Variants in ARHGEF10L observed in about 807,000 individuals in gnomAD.
The protein encoded by ARHGEF10L is rho guanine nucleotide exchange factor 10-like protein.
ARHGEF10L carries 69 observed loss-of-function variants against 141.2 expected under a neutral mutation model. That is an observed-to-expected ratio of 0.49 (90% CI 0.40 to 0.60). The LOEUF (loss-of-function observed/expected upper bound fraction) is 0.60. Ranked by LOEUF, ARHGEF10L falls within the 20% of genes least tolerant of loss-of-function variation. The probability of loss-of-function intolerance (pLI) is 0.00; values close to 1 mark genes in which losing one functional copy is unlikely to be tolerated. For synonymous variants in ARHGEF10L, 711 were observed against 718.5 expected (o/e 0.99, Z 0.17); for missense variants, 1,482 against 1,734.3 (o/e 0.85, Z 2.58).
chr1:17,565,173 C>CG (rs1482829275), intron 1 of ARHGEF10L, among the ~76,000 whole-genome samples: 2 of 152,172 alleles, frequency 1.3e-5, no homozygotes, highest in Non-Finnish European at 2.9e-5. Flanking sequence ...AGGGCCTAGC[C>CG]GGGGCCTTGT....
At position 17,618,367 on chromosome 1, in the gene ARHGEF10L, G is replaced by A. The variant is rs2059920572; in HGVS notation, c.836-972G>A. Reference sequence around the variant, plus strand: ...CACAGGCCAAGAATGTTACCCAGCAGCTCGTGGGGGAAGAGGAAGCTGCGA... The same window carrying A: ...CACAGGCCAAGAATGTTACCCAGCAACTCGTGGGGGAAGAGGAAGCTGCGA... On this transcript the variant is annotated intron_variant, in intron 9 of 28. Coordinates refer to ENST00000361221, the MANE Select transcript of ARHGEF10L (RefSeq NM_018125.4). 2.6e-6 allele frequency: 4 copies of A among 1,541,122 alleles called. No homozygotes were observed. The African/African-American group carries it at 5.5e-5, about 21-fold the overall frequency.
chr1:17,558,944 A>T lies in ARHGEF10L; in HGVS notation c.-44+18994A>T, dbSNP rs559375143. ...GGCTTTCAGCTCTTTTCTTGTGTAG[A>T]TTGGAGCCTTTGCATTCATGAAAGC... On this transcript the variant is annotated intron_variant, in intron 1 of 28. Transcript: ENST00000361221. This position sits in a 1 kb window ranked among gnomAD's most constrained non-coding sequence, Gnocchi z 4.2. Among the ~76,000 whole-genome samples, 9 of 152,168 alleles carry T rather than the reference A, an allele frequency of 5.9e-5. No homozygotes were observed. Among genetic ancestry groups the T allele is most frequent in the African/African-American group, 1.9e-4 (8 of 41,430 alleles).
intron 26 of ARHGEF10L, among the ~76,000 whole-genome samples, chr1:17,671,664 G>T (rs77287761): frequency 6.6e-6 from 1 of 152,166 alleles, no homozygotes; most frequent in Non-Finnish European, 1.5e-5. Flanking sequence ...GGGTTAACTG[G>T]GGCAGCCCCT....
intron 25 of ARHGEF10L, among the ~76,000 whole-genome samples, chr1:17,661,316 G>T (rs1210563340): frequency 6.6e-6 from 1 of 152,250 alleles, no homozygotes. Flanking sequence ...AACCTCAGGT[G>T]ATCCGGCCGC....
intron 22 of ARHGEF10L, among the ~76,000 whole-genome samples, chr1:17,649,261 C>T (rs2061771937): frequency 6.6e-6 from 1 of 152,218 alleles, no homozygotes; most frequent in African/African-American, 2.4e-5. Context: ...GAATTTGAAC[C>T]TTGCCCTGCC....
chr1:17,517,943 G>A, the ARHGEF10L span, among the ~76,000 whole-genome samples: 16 of 152,298 alleles, frequency 1.1e-4, no homozygotes, highest in East Asian at 9.6e-4. Flanking sequence ...AATTATAGGC[G>A]TGAGCCACAG....
chr1:17,662,888 G>A (rs990565685), intron 25 of ARHGEF10L, among the ~76,000 whole-genome samples: 2 of 152,174 alleles, frequency 1.3e-5, no homozygotes, highest in Admixed American at 1.3e-4. Context: ...ACCCAGTGGA[G>A]GGCAGGTGGG....
chr1:17,535,924 C>T (rs2100559820), upstream of ARHGEF10L, among the ~76,000 whole-genome samples: 1 of 152,308 alleles, frequency 6.6e-6, no homozygotes, highest in East Asian at 1.9e-4. Context: ...GACTCACAGT[C>T]CGGGGGGGAG....
chr1:17,563,016 T>C (rs2077604235), intron 1 of ARHGEF10L, among the ~76,000 whole-genome samples: 1 of 152,046 alleles, frequency 6.6e-6, no homozygotes, highest in Non-Finnish European at 1.5e-5. Context: ...AGAGGCCTCA[T>C]TCTGAGAAAC....
In ARHGEF10L at chr1:17,602,217, C is replaced by T. The variant is rs746474125; in HGVS notation, c.348C>T (p.Arg116=). The T allele has an allele frequency of 1.3e-6, 2 of 1,566,176 alleles. No individual in the cohort carries two copies. Among genetic ancestry groups the T allele is most frequent in the South Asian group, 2.3e-5 (2 of 85,120 alleles). The change falls in exon 5 of 29, where the codon CGC becomes CGT. Residue 116 remains arginine (R), a splice_region_variant and synonymous_variant. Coordinates refer to ENST00000361221, the MANE Select transcript of ARHGEF10L (RefSeq NM_018125.4). ...HSSWKRKSSR[R]IDRFTFPALE... Reference sequence around the variant, plus strand: ...GCTGGAAGCGGAAGAGTTCCCGTCGCAGTAAGTCTCCCCTCCGGCCCACCG... The same window carrying T: ...GCTGGAAGCGGAAGAGTTCCCGTCGTAGTAAGTCTCCCCTCCGGCCCACCG...
chr1:17,570,529 A>C (rs1289794145), intron 1 of ARHGEF10L, among the ~76,000 whole-genome samples: 1 of 150,612 alleles, frequency 6.6e-6, no homozygotes, highest in Non-Finnish European at 1.5e-5. Context: ...GAGGTAGGAC[A>C]TGAAGTCGGG....
chr1:17,594,537 G>T (rs1316381079), intron 4 of ARHGEF10L, among the ~76,000 whole-genome samples: 1 of 152,100 alleles, frequency 6.6e-6, no homozygotes, highest in Non-Finnish European at 1.5e-5. Flanking sequence ...GAGTGCAGTG[G>T]CGTGATCTTG....
At chr1:17,569,696 C>A (rs1200032858) in intron 1 of ARHGEF10L, among the ~76,000 whole-genome samples, 4 of 152,174 alleles carry the variant, frequency 2.6e-5, no homozygotes, top group Admixed American at 1.3e-4. Flanking sequence ...AGCCTTGCTC[C>A]TTCCCTGGGA....
chr1:17,662,100 G>C (rs2062667826), intron 25 of ARHGEF10L, among the ~76,000 whole-genome samples: 1 of 152,068 alleles, frequency 6.6e-6, no homozygotes, highest in Non-Finnish European at 1.5e-5. Flanking sequence ...TAAGAGCCAC[G>C]GACACAGACT....
the ARHGEF10L span, among the ~76,000 whole-genome samples, chr1:17,532,618 G>A: frequency 7.5e-6 from 1 of 134,100 alleles, no homozygotes; most frequent in South Asian, 2.4e-4. Flanking sequence ...TTTTTGAGAT[G>A]GAGTCTTGCT....
intron 7 of ARHGEF10L, among the ~76,000 whole-genome samples, 169 bp downstream of exon 7, chr1:17,608,146 C>T (rs998424279): frequency 2.0e-5 from 3 of 152,228 alleles, no homozygotes; most frequent in East Asian, 1.9e-4. Flanking sequence ...CAGGTCATCC[C>T]GAAACAGGAG....
At chr1:17,681,666 C>T (rs1034365197) in intron 26 of ARHGEF10L, among the ~76,000 whole-genome samples, 17 of 152,102 alleles carry the variant, frequency 1.1e-4, no homozygotes, top group African/African-American at 2.9e-4. Context: ...CAGCAGTCCT[C>T]GGGGAGGAAG....
At chr1:17,554,764 A>AT (rs1039765211) in intron 1 of ARHGEF10L, among the ~76,000 whole-genome samples, 4 of 151,572 alleles carry the variant, frequency 2.6e-5, no homozygotes, top group Admixed American at 6.6e-5. Flanking sequence ...TAGTTTTTGC[A>AT]TTTTTTTGTA....
At chr1:17,631,461 G>A (rs1329001992) in intron 15 of ARHGEF10L, among the ~76,000 whole-genome samples, 2 of 152,204 alleles carry the variant, frequency 1.3e-5, no homozygotes, top group Non-Finnish European at 2.9e-5. Context: ...TTCCAACTCT[G>A]TCATGAGGCC....
Sources: gnomAD v4.1 joint callset for allele counts (sites outside exome capture counted in the v4.1 genomes callset) on GRCh38, gnomAD v4.1.1 for gene constraint, Gnocchi (gnomAD v3.1) non-coding constraint, MANE v1.5 for transcripts, NCBI Gene and HGNC (gene_info 2026-07-23, HGNC 2026-07-21) for gene names.